Variants in MKX observed in about 807,000 individuals in gnomAD.
MKX encodes mohawk homeobox, also known as homeobox protein Mohawk.
A neutral mutation model predicts 36.0 loss-of-function variants in MKX; 13 were observed. That is an observed-to-expected ratio of 0.36 (90% confidence interval 0.24 to 0.57). MKX has a LOEUF of 0.57. Ranked by LOEUF, MKX falls within the 20% of genes least tolerant of loss-of-function variation. MKX has a pLI of 0.79. For missense variants in MKX, 458 were observed against 456.4 expected, an observed-to-expected ratio of 1.00 and a Z score of -0.03; for synonymous variants, 176 against 178.3, an observed-to-expected ratio of 0.99 and a Z score of 0.10.
At chr10:27,693,450 G>C (rs983902938) in intron 5 of MKX, among the ~76,000 whole-genome samples, 1 of 152,074 alleles carries the variant, frequency 6.6e-6, no homozygotes, top group Non-Finnish European at 1.5e-5. Flanking sequence ...ACACCATGAT[G>C]ATCTTAGGTT....
At chr10:27,678,912 GA>G (rs1420705591) in intron 5 of MKX, among the ~76,000 whole-genome samples, 1 of 152,192 alleles carries the variant, frequency 6.6e-6, no homozygotes, top group Non-Finnish European at 1.5e-5. Context: ...AAATACCTTT[GA>G]AGTGCAAAAA....
At position 27,694,798 on chromosome 10, in the gene MKX, G is replaced by C. The variant is rs187534776; in HGVS notation, c.839-19244C>G. ...AGAAACAGATAGTAGTTACTGCCTT[G>C]AATCAAAGTATCATACAAAAAAGCC... On this transcript the variant is annotated intron_variant, in intron 5 of 6. Transcript: ENST00000419761. Among the ~76,000 whole-genome samples the C allele has an allele frequency of 1.2e-3, 176 of 151,440 alleles. 1 individual carries two copies. The highest frequency in any genetic ancestry group is 4.1e-3 in the African/African-American group (171 of 41,306).
intron 5 of MKX, among the ~76,000 whole-genome samples, chr10:27,696,781 C>G (rs908193886): frequency 6.6e-6 from 1 of 152,102 alleles, no homozygotes; most frequent in African/African-American, 2.4e-5. Flanking sequence ...CCCACTCAAT[C>G]ATATAGGTAT....
At chr10:27,676,102 T>C (rs533946198) in intron 5 of MKX, among the ~76,000 whole-genome samples, 3 of 152,202 alleles carry the variant, frequency 2.0e-5, no homozygotes, top group Admixed American at 6.5e-5. Flanking sequence ...AGACCTCATC[T>C]CTACTAAAAA....
rs1019999735 is a variant in MKX, at chr10:27,675,069, A to G, written c.*160T>C. On this transcript the variant is annotated 3_prime_UTR_variant, in exon 7 of 7. Transcript: ENST00000419761. ...GATTAAAATGAGTTTTTTATAATTTATATGTCTTTTATAGAAGCAACTAAA... is the reference window on the plus strand; with the variant it reads ...GATTAAAATGAGTTTTTTATAATTTGTATGTCTTTTATAGAAGCAACTAAA... The G allele has an allele frequency of 7.1e-6, 4 of 566,286 alleles. No homozygotes were observed. The highest frequency in any genetic ancestry group is 1.9e-5 in the African/African-American group (1 of 52,756). The allele number at this position is 566,286 out of a possible 1,614,324, so 35.1% of individuals were successfully genotyped here.
At chr10:27,690,299 G>A (rs1050688783) in intron 5 of MKX, among the ~76,000 whole-genome samples, 3 of 149,050 alleles carry the variant, frequency 2.0e-5, no homozygotes, top group African/African-American at 5.0e-5. Flanking sequence ...TGAGCCCGGA[G>A]GCGGAGGTTG....
Position 27,741,464 on chromosome 10 carries a change from C to T in MKX, c.229G>A (p.Ala77Thr). Residue 77 changes from alanine to threonine, a missense_variant, in exon 3 of 7, where the codon GCC becomes ACC. Around this residue, in one of 3 missense-constraint regions of MKX, gnomAD observed 149 missense variants for 114.3 expected, o/e 1.30. Coordinates refer to ENST00000419761, the MANE Select transcript of MKX (RefSeq NM_173576.3). This position sits in a 1 kb window ranked among gnomAD's most constrained non-coding sequence, Gnocchi z 5.1. Reference protein sequence around the residue: ...NGGKVRHKRQALQDMARPLKQ... With the variant: ...NGGKVRHKRQTLQDMARPLKQ... The stretch of plus-strand genomic sequence containing the variant: ...AGGGGTCGCGCCATGTCTTGCAGGG[C>T]CTGCCGCTTGTGCCTCACCTTCCCG... 6.2e-7 allele frequency: 1 copy of T among 1,608,128 alleles called. No homozygotes were observed. The highest frequency in any genetic ancestry group is 1.7e-4 in the Middle Eastern group (1 of 6,004).
At chr10:27,695,182 G>A (rs184266520) in intron 5 of MKX, among the ~76,000 whole-genome samples, 7 of 152,170 alleles carry the variant, frequency 4.6e-5, no homozygotes, top group Admixed American at 2.0e-4. Context: ...CAGCAGTAGC[G>A]TGCCACTGTC....
intron 5 of MKX, among the ~76,000 whole-genome samples, chr10:27,689,503 A>T (rs939121896): frequency 1.3e-5 from 2 of 152,186 alleles, no homozygotes; most frequent in African/African-American, 4.8e-5. Flanking sequence ...TAAAGCCTAA[A>T]CTGGGGTGAA....
rs1834901639 is a variant in MKX at position 27,741,660 on chromosome 10, A to G, written c.189-156T>C. 6.6e-6 allele frequency among the ~76,000 whole-genome samples: 1 copy of G among 152,214 alleles called. No homozygotes were observed. The highest frequency in any genetic ancestry group is 6.5e-5 in the Admixed American group (1 of 15,288). On this transcript the variant is annotated intron_variant, in intron 2 of 6. Coordinates refer to ENST00000419761, the MANE Select transcript of MKX (RefSeq NM_173576.3). The surrounding 1 kb of genome is among the most constrained non-coding windows in gnomAD (Gnocchi z 5.1). ...GCCCAGAGTGTTTGGGAGAGGCAGG[A>G]AGTGGGAGCCACACAGTTTCTGGAT...
chr10:27,714,053 G>A (rs185877130), intron 5 of MKX, among the ~76,000 whole-genome samples: 2 of 138,896 alleles, frequency 1.4e-5, no homozygotes, highest in Admixed American at 7.6e-5. Context: ...CTTTTTCTCT[G>A]CATGGCAACA....
At chr10:27,693,880 G>A (rs991677143) in intron 5 of MKX, among the ~76,000 whole-genome samples, 1 of 152,112 alleles carries the variant, frequency 6.6e-6, no homozygotes, top group Admixed American at 6.6e-5. Flanking sequence ...CAATTCCCAT[G>A]TGCAGTGAGA....
At chr10:27,743,188 G>A (rs775972033) in intron 2 of MKX, 40 bp downstream of exon 2, 7 of 1,419,064 alleles carry the variant, frequency 4.9e-6, no homozygotes, top group Middle Eastern at 2.1e-4. Context: ...CCACCCCTCC[G>A]GGCCGCAGGC....
intron 5 of MKX, among the ~76,000 whole-genome samples, chr10:27,677,782 G>A (rs1836181336): frequency 6.6e-6 from 1 of 152,212 alleles, no homozygotes; most frequent in African/African-American, 2.4e-5. Context: ...AACAACAAGT[G>A]TTAGTTCCTT....
In MKX at chr10:27,673,598, G is replaced by A. The variant is rs376546493; in HGVS notation, c.*1631C>T. 3.3e-5 allele frequency: 5 copies of A among 152,328 alleles called. No individual in the cohort carries two copies. Among genetic ancestry groups the A allele is most frequent in the African/African-American group, 1.2e-4 (5 of 41,470 alleles). The allele number at this position is 152,328 out of a possible 1,614,324, so 9.4% of individuals were successfully genotyped here. On this transcript the variant is annotated 3_prime_UTR_variant, in exon 7 of 7. Transcript: ENST00000419761. ...TCATAACTTATATATTTTGCTTTGC[G>A]CTTACTGTTACTGCAAACAGCAATT...
intron 5 of MKX, among the ~76,000 whole-genome samples, chr10:27,690,110 C>T (rs932996341): frequency 2.0e-5 from 3 of 152,154 alleles, no homozygotes; most frequent in Non-Finnish European, 4.4e-5. Context: ...TGGCGGCTCA[C>T]GCTTGTAATC....
intron 5 of MKX, among the ~76,000 whole-genome samples, chr10:27,707,056 A>C (rs1836769334): frequency 6.8e-6 from 1 of 147,654 alleles, no homozygotes; most frequent in Admixed American, 6.7e-5. Flanking sequence ...ATTTGTTAAC[A>C]GATTGATGAA....
In MKX at chr10:27,742,688, G is replaced by C. The variant is rs1296575874; in HGVS notation, c.188+540C>G. Among the ~76,000 whole-genome samples, 1 of 151,830 alleles carries C rather than the reference G, an allele frequency of 6.6e-6. No homozygotes were observed. The stretch of plus-strand genomic sequence containing the variant: ...CGCAGGCCCGGGGCCTCCCCCTCCG[G>C]GTTCGCCGCGGGCCCAGCCGAGCCG... On this transcript the variant is annotated intron_variant, in intron 2 of 6. Coordinates refer to ENST00000419761, the MANE Select transcript of MKX (RefSeq NM_173576.3). The surrounding 1 kb of genome is among the most constrained non-coding windows in gnomAD (Gnocchi z 4.2).
chr10:27,686,836 A>T (rs10437436), intron 5 of MKX, among the ~76,000 whole-genome samples: 2 of 151,930 alleles, frequency 1.3e-5, no homozygotes, highest in South Asian at 4.1e-4. Flanking sequence ...TATTCTGGCC[A>T]GAAATTATTT....
Sources: gnomAD v4.1 joint callset for allele counts (sites outside exome capture counted in the v4.1 genomes callset) on GRCh38, gnomAD v4.1.1 for gene constraint, gnomAD v4.1.1 regional missense constraint, Gnocchi (gnomAD v3.1) non-coding constraint, MANE v1.5 for transcripts, NCBI Gene and HGNC (gene_info 2026-07-23, HGNC 2026-07-21) for gene names.